FAM135B: variants seen among roughly 807,000 people sequenced by gnomAD.
FAM135B encodes the protein family with sequence similarity 135 member B, also known as protein FAM135B.
Under a neutral mutation model 127.7 loss-of-function variants are expected in FAM135B, and 43 were observed. The observed-to-expected ratio is 0.34, with a 90% CI of 0.26 to 0.43. The LOEUF (loss-of-function observed/expected upper bound fraction) is 0.43. Among genes scored for constraint, FAM135B ranks in the 20% least tolerant of loss-of-function variants. The pLI, the probability that FAM135B is intolerant of heterozygous loss-of-function variation, is 1.00. For synonymous variants in FAM135B, 670 were observed against 665.1 expected, an observed-to-expected ratio of 1.01 and a Z score of -0.11; for missense variants, 1,558 against 1,725.6, an observed-to-expected ratio of 0.90 and a Z score of 1.72.
intron 2 of FAM135B, among the ~76,000 whole-genome samples, chr8:138,365,954 A>AT (rs951216487): frequency 2.1e-4 from 32 of 148,998 alleles, no homozygotes; most frequent in African/African-American, 5.9e-4. Flanking sequence ...CTTGATTTCC[A>AT]TTTTTTTTTT....
At chr8:138,176,463 T>A (rs929579725) in intron 11 of FAM135B, among the ~76,000 whole-genome samples, 1 of 152,240 alleles carries the variant, frequency 6.6e-6, no homozygotes, top group African/African-American at 2.4e-5. Context: ...AGTGAGTGAA[T>A]GACCGTAGAA....
chr8:138,250,612 G>T (rs910005813), intron 6 of FAM135B, among the ~76,000 whole-genome samples: 1 of 152,166 alleles, frequency 6.6e-6, no homozygotes, highest in Non-Finnish European at 1.5e-5. Context: ...TCTTCCTGGT[G>T]TAAGCCATAG....
chr8:138,214,644 T>A (rs910636107), intron 7 of FAM135B, among the ~76,000 whole-genome samples: 2 of 152,124 alleles, frequency 1.3e-5, no homozygotes, highest in Admixed American at 6.6e-5. Context: ...AATACATAGT[T>A]AGCCAGATGG....
chr8:138,454,106 T>A (rs577367439), intron 1 of FAM135B, among the ~76,000 whole-genome samples: 1 of 151,956 alleles, frequency 6.6e-6, no homozygotes, highest in African/African-American at 2.4e-5. Context: ...ATAAGGCAGG[T>A]AAAAATGAAG....
intron 1 of FAM135B, among the ~76,000 whole-genome samples, chr8:138,377,764 C>A (rs949151686): frequency 3.9e-5 from 6 of 152,292 alleles, no homozygotes; most frequent in Admixed American, 3.9e-4. Context: ...GAATGTGCTG[C>A]CTTTTCTCTA....
At chr8:138,393,106 A>G (rs940593226) in intron 1 of FAM135B, among the ~76,000 whole-genome samples, 1 of 152,178 alleles carries the variant, frequency 6.6e-6, no homozygotes, top group African/African-American at 2.4e-5. Context: ...TGCCTTATAA[A>G]GCCATCAGAT....
chr8:138,249,955 A>G (rs1821576173), intron 6 of FAM135B, among the ~76,000 whole-genome samples: 1 of 152,224 alleles, frequency 6.6e-6, no homozygotes, highest in Non-Finnish European at 1.5e-5. Flanking sequence ...ACAATATGCT[A>G]GATGCTGTCA....
At chr8:138,227,768 A>G (rs1002513634) in intron 7 of FAM135B, among the ~76,000 whole-genome samples, 2 of 124,112 alleles carry the variant, frequency 1.6e-5, no homozygotes, top group Non-Finnish European at 3.2e-5. Context: ...GTTTTTTGGT[A>G]AGACCACTTA....
chr8:138,176,667 T>C (rs1814503709), intron 11 of FAM135B, among the ~76,000 whole-genome samples: 1 of 152,234 alleles, frequency 6.6e-6, no homozygotes, highest in South Asian at 2.1e-4. Context: ...GGGTCTCATG[T>C]GTTTCTCCTT....
chr8:138,210,727 A>C (rs1245435030), intron 7 of FAM135B, among the ~76,000 whole-genome samples: 3 of 152,170 alleles, frequency 2.0e-5, no homozygotes, highest in Non-Finnish European at 4.4e-5. Context: ...ATAATTCGAC[A>C]TGAGATTTGG....
chr8:138,251,076 C>T (rs761004709), intron 5 of FAM135B, 62 bp from the exon 6 acceptor site: 1 of 1,591,480 alleles, frequency 6.3e-7, no homozygotes. Flanking sequence ...GTCCTCCTAG[C>T]ATGTCTGTAT....
At chr8:138,385,501 T>C (rs184353280) in intron 1 of FAM135B, among the ~76,000 whole-genome samples, 15 of 152,172 alleles carry the variant, frequency 9.9e-5, no homozygotes, top group African/African-American at 2.9e-4. Flanking sequence ...AGTTGAACAT[T>C]GAGAAAGAAC....
At chr8:138,266,973 A>G (rs1478840366) in intron 3 of FAM135B, among the ~76,000 whole-genome samples, 1 of 152,192 alleles carries the variant, frequency 6.6e-6, no homozygotes, top group Non-Finnish European at 1.5e-5. Flanking sequence ...CTTAATTATC[A>G]TAACAAACCC....
intron 1 of FAM135B, among the ~76,000 whole-genome samples, chr8:138,417,524 C>A (rs1406070887): frequency 6.6e-6 from 1 of 152,212 alleles, no homozygotes; most frequent in African/African-American, 2.4e-5. Context: ...CCAGCCACTG[C>A]CCCACCACTG....
intron 3 of FAM135B, among the ~76,000 whole-genome samples, chr8:138,282,989 C>T (rs540959447): frequency 4.6e-4 from 69 of 151,198 alleles, no homozygotes; most frequent in African/African-American, 1.5e-3. Flanking sequence ...CAACCTCCGC[C>T]TCCTGGGTTC....
intron 2 of FAM135B, among the ~76,000 whole-genome samples, chr8:138,350,950 C>T (rs1446095030): frequency 2.6e-5 from 4 of 152,164 alleles, no homozygotes; most frequent in Non-Finnish European, 4.4e-5. Flanking sequence ...AGTCATCATT[C>T]ACCATGTAAC....
At chr8:138,413,325 T>C (rs1230983479) in intron 1 of FAM135B, among the ~76,000 whole-genome samples, 1 of 152,108 alleles carries the variant, frequency 6.6e-6, no homozygotes, top group Non-Finnish European at 1.5e-5. Flanking sequence ...TCCAAGTCTT[T>C]GCTCATCTAC....
At chr8:138,436,590 A>G (rs1835470121) in intron 1 of FAM135B, among the ~76,000 whole-genome samples, 1 of 152,220 alleles carries the variant, frequency 6.6e-6, no homozygotes, top group Non-Finnish European at 1.5e-5. Flanking sequence ...CTAAGGCATC[A>G]GTTTGCAACC....
At chr8:138,273,690 T>C (rs969949536) in intron 3 of FAM135B, among the ~76,000 whole-genome samples, 1 of 152,144 alleles carries the variant, frequency 6.6e-6, no homozygotes, top group Non-Finnish European at 1.5e-5. Context: ...CCGACTACAC[T>C]GGGGAGCCAG....
Sources: gnomAD v4.1 joint callset for allele counts (sites outside exome capture counted in the v4.1 genomes callset) on GRCh38, gnomAD v4.1.1 for gene constraint, MANE v1.5 for transcripts, NCBI Gene and HGNC (gene_info 2026-07-23, HGNC 2026-07-21) for gene names.